Variants in RBFOX3 observed in about 807,000 individuals in gnomAD.
The protein encoded by RBFOX3 is RNA binding fox-1 homolog 3.
A neutral mutation model predicts 48.7 loss-of-function variants in RBFOX3; 17 were observed. That is an observed-to-expected ratio of 0.35 (90% CI 0.24 to 0.52). The LOEUF is 0.52. Ranked by LOEUF, RBFOX3 falls within the 20% of genes least tolerant of loss-of-function variation. The pLI is 0.94. For synonymous variants in RBFOX3, 212 were observed against 209.5 expected (o/e 1.01, Z -0.10); for missense variants, 382 against 497.5 (o/e 0.77, Z 2.21).
At chr17:79,245,159 G>A (rs897093615) in intron 3 of RBFOX3, among the ~76,000 whole-genome samples, 19 of 151,194 alleles carry the variant, frequency 1.3e-4, no homozygotes, top group African/African-American at 3.9e-4. Context: ...TGCAAACTCC[G>A]CCTCTCAGGC....
intron 4 of RBFOX3, among the ~76,000 whole-genome samples, chr17:79,228,607 G>A (rs750846791): frequency 1.2e-4 from 18 of 152,292 alleles, no homozygotes; most frequent in Admixed American, 1.0e-3. Context: ...TTCAGGTTCC[G>A]TGATGCAGAA....
rs1034348154 is a variant in RBFOX3, at chr17:79,181,996, CACACAA to C, written c.-34+53764_-34+53769del. 6.8e-5 allele frequency among the ~76,000 whole-genome samples: 10 copies of C among 146,092 alleles called. No homozygotes were observed. The East Asian group carries it at 8.2e-4, about 12-fold the overall frequency. Reference sequence around the variant, plus strand: ...ACACACACACACACACACACACACACACACAAACACACAATCACTCTTCTCCATTTC... The same window carrying C: ...ACACACACACACACACACACACACACACACACAATCACTCTTCTCCATTTC... On this transcript the variant is annotated intron_variant, in intron 4 of 14. Coordinates refer to ENST00000693108, the MANE Select transcript of RBFOX3 (RefSeq NM_001350451.2).
At chr17:79,183,787 G>T (rs1568302366) in intron 4 of RBFOX3, among the ~76,000 whole-genome samples, 1 of 152,202 alleles carries the variant, frequency 6.6e-6, no homozygotes, top group Non-Finnish European at 1.5e-5. Context: ...GGAGCCCCGC[G>T]CGGAGGGAAG....
chr17:79,284,239 G>C (rs1334150203), intron 3 of RBFOX3, among the ~76,000 whole-genome samples: 1 of 152,250 alleles, frequency 6.6e-6, no homozygotes, highest in African/African-American at 2.4e-5. Flanking sequence ...CGAGTGGACA[G>C]TCCGTTTCCA....
chr17:79,329,327 C>T (rs2079844060), intron 2 of RBFOX3, among the ~76,000 whole-genome samples: 1 of 152,082 alleles, frequency 6.6e-6, no homozygotes, highest in African/African-American at 2.4e-5. Context: ...CATGGTCATC[C>T]TGGGGCTCCT....
chr17:79,473,129 A>T lies in RBFOX3; in HGVS notation c.-175+9325T>A, dbSNP rs2077250233. On this transcript the variant is annotated intron_variant, in intron 2 of 14. Coordinates refer to ENST00000693108, the MANE Select transcript of RBFOX3 (RefSeq NM_001350451.2). This position sits in a 1 kb window ranked among gnomAD's most constrained non-coding sequence, Gnocchi z 4.2. ...GGTTCTTAACGATTAGACTCATCAGACCTAAAACGACTCCTTCAAATGACT... is the reference window on the plus strand; with the variant it reads ...GGTTCTTAACGATTAGACTCATCAGTCCTAAAACGACTCCTTCAAATGACT... 6.6e-6 allele frequency among the ~76,000 whole-genome samples: 1 copy of T among 152,354 alleles called. No individual in the cohort carries two copies. The highest frequency in any genetic ancestry group is 1.9e-4 in the East Asian group (1 of 5,194).
chr17:79,607,562 G>C (rs1472446139), intron 1 of RBFOX3, among the ~76,000 whole-genome samples: 1 of 152,152 alleles, frequency 6.6e-6, no homozygotes, highest in Admixed American at 6.5e-5. Context: ...GGATAGGAGC[G>C]TGACTTATGC....
At chr17:79,127,634 T>A (rs538306451) in intron 4 of RBFOX3, among the ~76,000 whole-genome samples, 1 of 152,288 alleles carries the variant, frequency 6.6e-6, no homozygotes, top group African/African-American at 2.4e-5. Flanking sequence ...ACCGGCGCCC[T>A]TGAGCCCCCG....
chr17:79,161,510 G>A (rs985690313), intron 4 of RBFOX3, among the ~76,000 whole-genome samples: 7 of 152,208 alleles, frequency 4.6e-5, no homozygotes, highest in Admixed American at 2.6e-4. Flanking sequence ...GGGGGTGTGT[G>A]GAGGCCCGGA....
chr17:79,257,152 C>T (rs2065010988), intron 3 of RBFOX3, among the ~76,000 whole-genome samples: 1 of 152,186 alleles, frequency 6.6e-6, no homozygotes, highest in Middle Eastern at 3.4e-3. Flanking sequence ...TGGCAGCACA[C>T]ACTACAATCA....
intron 1 of RBFOX3, among the ~76,000 whole-genome samples, chr17:79,548,336 G>T (rs1162120310): frequency 6.6e-6 from 1 of 152,130 alleles, no homozygotes; most frequent in Non-Finnish European, 1.5e-5. Flanking sequence ...TCACCCATGT[G>T]CTCCTGGAAC....
intron 4 of RBFOX3, among the ~76,000 whole-genome samples, chr17:79,223,766 G>A (rs1318390209): frequency 6.6e-6 from 1 of 152,142 alleles, no homozygotes; most frequent in Non-Finnish European, 1.5e-5. Flanking sequence ...CTGGGCCGTC[G>A]ACACATTCCA....
intron 4 of RBFOX3, among the ~76,000 whole-genome samples, chr17:79,141,848 A>G (rs1338010274): frequency 6.6e-6 from 1 of 152,178 alleles, no homozygotes; most frequent in Non-Finnish European, 1.5e-5. Flanking sequence ...AGTGAGCGTT[A>G]TCTATAAGAA....
chr17:79,299,597 A>T lies in RBFOX3; in HGVS notation c.-74+8127T>A, dbSNP rs576753543. Among the ~76,000 whole-genome samples the T allele has an allele frequency of 2.6e-5, 4 of 152,118 alleles. No individual in the cohort carries two copies. Among genetic ancestry groups the T allele is most frequent in the Non-Finnish European group, 4.4e-5 (3 of 68,014 alleles). ...TGCGCCATTTCCTACCAGGGGTTTG[A>T]GCATCGTCAGATCGTGGGGTTTTTG... On this transcript the variant is annotated intron_variant, in intron 3 of 14. Transcript: ENST00000693108. This position sits in a 1 kb window ranked among gnomAD's most constrained non-coding sequence, Gnocchi z 4.5.
intron 4 of RBFOX3, among the ~76,000 whole-genome samples, chr17:79,154,610 G>A (rs1189391846): frequency 1.3e-5 from 2 of 152,216 alleles, no homozygotes; most frequent in African/African-American, 4.8e-5. Context: ...GCCCAGCCGG[G>A]CATGAGCCAG....
chr17:79,483,966 G>A (rs530023463), intron 1 of RBFOX3, among the ~76,000 whole-genome samples: 10 of 149,684 alleles, frequency 6.7e-5, no homozygotes, highest in Non-Finnish European at 1.5e-4. Context: ...GGGAAGTCTT[G>A]TTTGCTTAAT....
intron 4 of RBFOX3, among the ~76,000 whole-genome samples, chr17:79,186,939 C>T (rs918104961): frequency 6.6e-5 from 10 of 152,226 alleles, no homozygotes; most frequent in African/African-American, 9.6e-5. Context: ...TTGGGCAGGG[C>T]GTGTCTTCCC....
chr17:79,635,116 T>C, the RBFOX3 span, among the ~76,000 whole-genome samples: 11,614 of 127,282 alleles, frequency 0.091, 678 homozygotes, highest in Middle Eastern at 0.19. Flanking sequence ...GGCACTGACA[T>C]AGATGATATC....
chr17:79,382,135 T>C (rs1398631626), intron 2 of RBFOX3, among the ~76,000 whole-genome samples: 2 of 152,186 alleles, frequency 1.3e-5, no homozygotes, highest in Non-Finnish European at 2.9e-5. Flanking sequence ...TGGGGTGGCC[T>C]AGCCATACCC....
Sources: allele counts gnomAD v4.1 joint callset (sites outside exome capture counted in the v4.1 genomes callset), GRCh38; gene constraint gnomAD v4.1.1; non-coding constraint Gnocchi (gnomAD v3.1); transcripts MANE v1.5; gene names NCBI Gene and HGNC (gene_info 2026-07-23, HGNC 2026-07-21).